PCDHGB3: variants seen among roughly 807,000 people sequenced by gnomAD.
PCDHGB3 encodes protocadherin gamma subfamily B, 3, also known as protocadherin gamma-B3.
Under a neutral mutation model 59.2 loss-of-function variants are expected in PCDHGB3, and 40 were observed. The observed-to-expected ratio is 0.68, with a 90% CI of 0.52 to 0.88. The LOEUF is 0.88. Ranked by LOEUF, PCDHGB3 falls within the 40% of genes least tolerant of loss-of-function variation. The pLI, the probability that PCDHGB3 is intolerant of heterozygous loss-of-function variation, is 0.00. For synonymous variants in PCDHGB3, 581 were observed against 503.6 expected (o/e 1.15, Z -2.06); for missense variants, 1,309 against 1,187.9 (o/e 1.10, Z -1.50).
chr5:141,385,081 T>G, intron 1 of PCDHGB3: 1 of 1,614,164 alleles, frequency 6.2e-7, no homozygotes, highest in Non-Finnish European at 8.5e-7. Flanking sequence ...GCTGCAGGCT[T>G]CAGAAGGTGG....
Position 141,409,958 on chromosome 5 carries a change from T to C in PCDHGB3, c.2415+37149T>C. ...GGTACCTCGCTCTGCAGAGCCCGGC[T>C]ACCTAGTGACTAAGGTGGTAGCGGT... On this transcript the variant is annotated intron_variant, in intron 1 of 3. Transcript: ENST00000576222. 6.2e-7 allele frequency: 1 copy of C among 1,613,394 alleles called. No individual in the cohort carries two copies.
At position 141,490,908 on chromosome 5, in the gene PCDHGB3, C is replaced by A; in HGVS notation, c.2416-3899C>A. On this transcript the variant is annotated intron_variant, in intron 1 of 3. Coordinates refer to ENST00000576222, the MANE Select transcript of PCDHGB3 (RefSeq NM_018924.5). The surrounding 1 kb of genome is among the most constrained non-coding windows in gnomAD (Gnocchi z 5.4). The stretch of plus-strand genomic sequence containing the variant: ...CATCTCTGCATGTGTTTGTCCTAGA[C>A]GAGAATGATAATGCCCCAGCTGTGC... The A allele has an allele frequency of 6.2e-7, 1 of 1,613,710 alleles. No homozygotes were observed. Among genetic ancestry groups the A allele is most frequent in the Non-Finnish European group, 8.5e-7 (1 of 1,179,754 alleles).
intron 1 of PCDHGB3, chr5:141,387,764 A>T: frequency 7.0e-7 from 1 of 1,430,464 alleles, no homozygotes; most frequent in Non-Finnish European, 9.3e-7. Context: ...AAAAAGAAGA[A>T]TTTTTTCTTG....
At chr5:141,450,565 C>T (rs1024229182) in intron 1 of PCDHGB3, among the ~76,000 whole-genome samples, 2 of 152,016 alleles carry the variant, frequency 1.3e-5, no homozygotes, top group Non-Finnish European at 2.9e-5. Context: ...CGGCTCACTG[C>T]AACTTCTGCC....
chr5:141,408,243 G>A lies in PCDHGB3; in HGVS notation c.2415+35434G>A, dbSNP rs372221747. ...GCGCAGAGGCGCCGGGCCGGCCCGC[G>A]GCAGGTGCTATTTCCTTTGCTGCTG... On this transcript the variant is annotated intron_variant, in intron 1 of 3. Transcript: ENST00000576222. 7 of 1,583,996 alleles carry A rather than the reference G, an allele frequency of 4.4e-6. 1 individual carries two copies. The highest frequency in any genetic ancestry group is 5.2e-6 in the Non-Finnish European group (6 of 1,164,814).
intron 2 of PCDHGB3, among the ~76,000 whole-genome samples, chr5:141,501,838 G>A (rs888418141): frequency 6.6e-6 from 1 of 152,000 alleles, no homozygotes; most frequent in African/African-American, 2.4e-5. Flanking sequence ...CACCTGTTTG[G>A]CCCTCAACCT....
chr5:141,383,310 A>C (rs1779012544), intron 1 of PCDHGB3: 1 of 1,614,004 alleles, frequency 6.2e-7, no homozygotes, highest in Non-Finnish European at 8.5e-7. Context: ...TGACGGAAGA[A>C]ATAAATGTAA....
chr5:141,421,043 C>G (rs1201118615), intron 1 of PCDHGB3: 2 of 548,238 alleles, frequency 3.6e-6, no homozygotes, highest in Non-Finnish European at 6.3e-6. Flanking sequence ...CCTCCCTCCC[C>G]CGCCTCTACC....
At chr5:141,374,857 C>T in intron 1 of PCDHGB3, 1 of 1,613,768 alleles carries the variant, frequency 6.2e-7, no homozygotes, top group East Asian at 2.2e-5. Context: ...TGCCAGTAGG[C>T]ACACCAGTGT....
At chr5:141,462,497 T>C (rs1333421053) in intron 1 of PCDHGB3, among the ~76,000 whole-genome samples, 1 of 152,244 alleles carries the variant, frequency 6.6e-6, no homozygotes, top group Non-Finnish European at 1.5e-5. Flanking sequence ...TATCCTATAA[T>C]TGTCAACTAG....
Position 141,432,331 on chromosome 5 carries a change from G to A in PCDHGB3, c.2415+59522G>A, listed in dbSNP as rs763952193. Reference sequence around the variant, plus strand: ...CGCTGAGCTCCTTCGACTACGAGCAGTTCCGAGACTTGCAAGTGAAAGTGA... The same window carrying A: ...CGCTGAGCTCCTTCGACTACGAGCAATTCCGAGACTTGCAAGTGAAAGTGA... On this transcript the variant is annotated intron_variant, in intron 1 of 3. Transcript: ENST00000576222. The surrounding 1 kb of genome is among the most constrained non-coding windows in gnomAD (Gnocchi z 6.0). The A allele has an allele frequency of 1.2e-6, 2 of 1,614,278 alleles. No individual in the cohort carries two copies. Among genetic ancestry groups the A allele is most frequent in the East Asian group, 2.2e-5 (1 of 44,888 alleles).
At chr5:141,417,007 C>A (rs1204390468) in intron 1 of PCDHGB3, 1 of 148,406 alleles carries the variant, frequency 6.7e-6, no homozygotes, top group Non-Finnish European at 1.5e-5. Flanking sequence ...TCAAATAATT[C>A]TATTATTTTG....
chr5:141,499,174 C>T (rs930279867), intron 2 of PCDHGB3, among the ~76,000 whole-genome samples: 20 of 152,198 alleles, frequency 1.3e-4, no homozygotes, highest in Middle Eastern at 3.4e-3. Flanking sequence ...AGCTCTGAGC[C>T]CAGCAAACCA....
chr5:141,460,951 GTA>G (rs200454978), intron 1 of PCDHGB3, among the ~76,000 whole-genome samples: 208 of 139,744 alleles, frequency 1.5e-3, no homozygotes, highest in South Asian at 4.3e-3. Flanking sequence ...TATGTATTAT[GTA>G]TATATATATG....
rs1488042504 is a variant in PCDHGB3, at chr5:141,511,552, T to C, written c.*379T>C. ...CCTCCTCCCCACCCCACTCCAACAG[T>C]TCCTCTTTCCCGAGTAAGGTGGTTG... On this transcript the variant is annotated 3_prime_UTR_variant, in exon 4 of 4. Coordinates refer to ENST00000576222, the MANE Select transcript of PCDHGB3 (RefSeq NM_018924.5). 1.3e-5 allele frequency: 4 copies of C among 304,316 alleles called. No individual in the cohort carries two copies. The highest frequency in any genetic ancestry group is 2.6e-5 in the Non-Finnish European group (4 of 156,548). The allele number at this position is 304,316 out of a possible 1,614,324, so 18.9% of individuals were successfully genotyped here.
At chr5:141,501,557 G>A (rs192507373) in intron 2 of PCDHGB3, among the ~76,000 whole-genome samples, 1 of 152,124 alleles carries the variant, frequency 6.6e-6, no homozygotes, top group Non-Finnish European at 1.5e-5. Context: ...CATAGGCCCT[G>A]GAATCATATT....
chr5:141,373,895 T>TA, intron 1 of PCDHGB3: 1 of 534,638 alleles, frequency 1.9e-6, no homozygotes, highest in Non-Finnish European at 3.1e-6. Flanking sequence ...AAACTCAAGT[T>TA]ACATCCTCCA....
intron 1 of PCDHGB3, among the ~76,000 whole-genome samples, chr5:141,386,998 C>G (rs140459920): frequency 6.6e-6 from 1 of 152,058 alleles, no homozygotes; most frequent in African/African-American, 2.4e-5. Flanking sequence ...TGTATTATCC[C>G]CCTGATAACT....
At chr5:141,385,539 T>C in intron 1 of PCDHGB3, 1 of 1,340,130 alleles carries the variant, frequency 7.5e-7, no homozygotes, top group East Asian at 2.8e-5. Flanking sequence ...TATGAATATG[T>C]GGACTATCAC....
Sources: gnomAD v4.1 joint callset for allele counts (sites outside exome capture counted in the v4.1 genomes callset) on GRCh38, gnomAD v4.1.1 for gene constraint, Gnocchi (gnomAD v3.1) non-coding constraint, MANE v1.5 for transcripts, NCBI Gene and HGNC (gene_info 2026-07-23, HGNC 2026-07-21) for gene names.